The following PLEKHA5 variants were observed in gnomAD, a reference collection of about 807,000 sequenced individuals.
The protein encoded by PLEKHA5 is pleckstrin homology domain-containing family A member 5.
PLEKHA5 carries 55 observed loss-of-function variants against 181.9 expected under a neutral mutation model. The ratio of observed to expected loss-of-function variants is 0.30; its 90% CI spans 0.24 to 0.38. The LOEUF is 0.38. Ranked by LOEUF, PLEKHA5 falls within the 10% of genes least tolerant of loss-of-function variation. PLEKHA5 has a pLI of 1.00. For synonymous variants in PLEKHA5, 535 were observed against 529.4 expected (o/e 1.01, Z -0.15); for missense variants, 1,432 against 1,549.5 (o/e 0.92, Z 1.27).
chr12:19,186,387 G>A (rs188345836), intron 3 of PLEKHA5, among the ~76,000 whole-genome samples: 4 of 152,242 alleles, frequency 2.6e-5, no homozygotes, highest in African/African-American at 9.6e-5. Flanking sequence ...GAGGGTGATT[G>A]TTTCTTTCTG....
At chr12:19,307,254 C>G in intron 15 of PLEKHA5, 1 of 484,918 alleles carries the variant, frequency 2.1e-6, no homozygotes, top group Non-Finnish European at 3.7e-6. Context: ...GGGTGGATCA[C>G]TTGAGGTCAG....
chr12:19,314,376 G>A (rs564389668), intron 15 of PLEKHA5, among the ~76,000 whole-genome samples: 2 of 152,040 alleles, frequency 1.3e-5, no homozygotes, highest in African/African-American at 2.4e-5. Context: ...TACTTGTAGA[G>A]AACTAATTTT....
chr12:19,371,805 G>A (rs973322341), intron 31 of PLEKHA5: 12 of 152,128 alleles, frequency 7.9e-5, no homozygotes, highest in African/African-American at 2.9e-4. Flanking sequence ...GTAATGACTT[G>A]TTTTCTTTTG....
chr12:19,137,609 T>C (rs1188196113), intron 3 of PLEKHA5, among the ~76,000 whole-genome samples: 1 of 152,232 alleles, frequency 6.6e-6, no homozygotes, highest in Non-Finnish European at 1.5e-5. Flanking sequence ...CATAGACTTA[T>C]TTAGTGCTAG....
intron 20 of PLEKHA5, among the ~76,000 whole-genome samples, chr12:19,325,148 T>C (rs991113356): frequency 1.3e-5 from 2 of 152,136 alleles, no homozygotes; most frequent in African/African-American, 4.8e-5. Flanking sequence ...TCTCAGTACT[T>C]TGGAAGGCTG....
intron 3 of PLEKHA5, among the ~76,000 whole-genome samples, chr12:19,211,866 G>A (rs1015440420): frequency 6.6e-6 from 1 of 151,956 alleles, no homozygotes; most frequent in Non-Finnish European, 1.5e-5. Context: ...AAAGTTTAAA[G>A]CAGGAGGTAC....
intron 3 of PLEKHA5, among the ~76,000 whole-genome samples, chr12:19,171,237 G>C (rs914712527): frequency 1.3e-5 from 2 of 152,038 alleles, no homozygotes; most frequent in African/African-American, 4.8e-5. Context: ...AATTGAGAGA[G>C]GGAGTGAGCA....
At chr12:19,200,417 T>C in intron 3 of PLEKHA5, 1 of 1,505,192 alleles carries the variant, frequency 6.6e-7, no homozygotes, top group South Asian at 1.3e-5. Flanking sequence ...CTTCACTTCT[T>C]GGTGACTAAT....
intron 3 of PLEKHA5, among the ~76,000 whole-genome samples, chr12:19,206,195 AT>A (rs138003136): frequency 1.3e-5 from 2 of 151,248 alleles, no homozygotes; most frequent in African/African-American, 2.4e-5. Flanking sequence ...ATGTTTTGTG[AT>A]TTTTTTTTAA....
intron 3 of PLEKHA5, among the ~76,000 whole-genome samples, chr12:19,140,352 A>T (rs545455717): frequency 3.3e-5 from 5 of 152,332 alleles, no homozygotes; most frequent in African/African-American, 9.6e-5. Context: ...ATGTAGACTA[A>T]ATTTTAAAAT....
intron 26 of PLEKHA5, among the ~76,000 whole-genome samples, chr12:19,354,313 G>A (rs1192591751): frequency 1.1e-4 from 16 of 147,610 alleles, no homozygotes; most frequent in African/African-American, 4.0e-4. Flanking sequence ...CACCACGCCC[G>A]GCTAATTTTT....
chr12:19,241,436 T>G (rs569752093), intron 3 of PLEKHA5, among the ~76,000 whole-genome samples: 2 of 152,298 alleles, frequency 1.3e-5, no homozygotes, highest in South Asian at 2.1e-4. Flanking sequence ...AAATACATAC[T>G]GTCTTAATTT....
intron 3 of PLEKHA5, among the ~76,000 whole-genome samples, chr12:19,142,377 T>A (rs188712651): frequency 3.4e-4 from 51 of 152,082 alleles, no homozygotes; most frequent in African/African-American, 8.9e-4. Flanking sequence ...TCTAAAAAAA[T>A]TTTTTTAAAA....
At chr12:19,134,421 T>G (rs563528876) in intron 3 of PLEKHA5, among the ~76,000 whole-genome samples, 1 of 152,040 alleles carries the variant, frequency 6.6e-6, no homozygotes, top group Non-Finnish European at 1.5e-5. Context: ...TAACTTATAA[T>G]ATTATGGAAG....
intron 3 of PLEKHA5, chr12:19,153,579 T>C (rs1044303510): frequency 2.0e-5 from 3 of 152,180 alleles, no homozygotes; most frequent in Non-Finnish European, 4.4e-5. Context: ...GATACAGTTG[T>C]TACAATTGTA....
chr12:19,132,262 C>T, intron 2 of PLEKHA5, 131 bp from the exon 3 acceptor site: 1 of 621,946 alleles, frequency 1.6e-6, no homozygotes. Flanking sequence ...GTATTGCCAG[C>T]TCAACACTTT....
chr12:19,192,028 G>A lies in PLEKHA5; in HGVS notation c.227+59578G>A, dbSNP rs182672373. On this transcript the variant is annotated intron_variant, in intron 3 of 31. Coordinates refer to ENST00000429027, the MANE Select transcript of PLEKHA5 (RefSeq NM_001256470.2). The stretch of plus-strand genomic sequence containing the variant: ...AGGTGTGTATACCCTTGTATAGTCC[G>A]TGTATAGGCTGGGGATCACTGAGGG... Among the ~76,000 whole-genome samples, 5 of 152,102 alleles carry A rather than the reference G, an allele frequency of 3.3e-5. 1 individual carries two copies. The South Asian group carries it at 8.3e-4, about 25-fold the overall frequency.
chr12:19,297,753 A>ATTT (rs36109060), intron 15 of PLEKHA5, among the ~76,000 whole-genome samples: 11 of 139,042 alleles, frequency 7.9e-5, no homozygotes, highest in African/African-American at 2.9e-4. Context: ...GTAAATTATT[A>ATTT]TTTTTTTTTT....
intron 3 of PLEKHA5, among the ~76,000 whole-genome samples, chr12:19,214,667 T>G (rs1017328830): frequency 6.6e-6 from 1 of 152,010 alleles, no homozygotes; most frequent in African/African-American, 2.4e-5. Context: ...AATATTTGCT[T>G]GGGGCATGGG....
Sources: gnomAD v4.1 joint callset for allele counts (sites outside exome capture counted in the v4.1 genomes callset) on GRCh38, gnomAD v4.1.1 for gene constraint, MANE v1.5 for transcripts, NCBI Gene and HGNC (gene_info 2026-07-23, HGNC 2026-07-21) for gene names.